The following RCOR1 variants were observed in gnomAD, a reference collection of about 807,000 sequenced individuals.
RCOR1 encodes REST corepressor 1.
A neutral mutation model predicts 64.0 loss-of-function variants in RCOR1; 12 were observed. That is an observed-to-expected ratio of 0.19 (90% CI 0.12 to 0.30). RCOR1 has a LOEUF of 0.30. RCOR1 is among the 10% of genes least tolerant of loss of function. The probability of loss-of-function intolerance (pLI) is 1.00; values close to 1 mark genes in which losing one functional copy is unlikely to be tolerated. For synonymous variants in RCOR1, 279 were observed against 227.2 expected (o/e 1.23, Z -2.05); for missense variants, 502 against 621.2 (o/e 0.81, Z 2.04).
chr14:102,637,243 C>G (rs945426737), intron 2 of RCOR1, among the ~76,000 whole-genome samples: 1 of 151,290 alleles, frequency 6.6e-6, no homozygotes, highest in African/African-American at 2.4e-5. Flanking sequence ...TCTCCTGCCT[C>G]AGCCTCCCGA....
chr14:102,662,421 C>T, intron 2 of RCOR1: 1 of 559,508 alleles, frequency 1.8e-6, no homozygotes, highest in Non-Finnish European at 3.5e-6. Flanking sequence ...ACAATGAACA[C>T]AAGTGTCTTG....
intron 2 of RCOR1, among the ~76,000 whole-genome samples, chr14:102,671,983 A>G (rs184484359): frequency 1.3e-5 from 2 of 152,188 alleles, no homozygotes; most frequent in East Asian, 1.9e-4. Flanking sequence ...TAGTGTTTCA[A>G]GTTTCATACT....
intron 3 of RCOR1, among the ~76,000 whole-genome samples, chr14:102,690,878 G>A (rs1487338348): frequency 6.6e-6 from 1 of 152,194 alleles, no homozygotes; most frequent in East Asian, 1.9e-4. Context: ...CTTGGCATGT[G>A]GTGGGTGTAT....
intron 2 of RCOR1, among the ~76,000 whole-genome samples, chr14:102,648,600 C>G (rs1267933619): frequency 6.6e-6 from 1 of 152,146 alleles, no homozygotes; most frequent in Non-Finnish European, 1.5e-5. Flanking sequence ...ACAAGTAGAT[C>G]TATGTGTATT....
intron 2 of RCOR1, among the ~76,000 whole-genome samples, chr14:102,676,735 C>G (rs1895171500): frequency 9.5e-6 from 1 of 105,550 alleles, no homozygotes; most frequent in Non-Finnish European, 2.0e-5. Flanking sequence ...GGGGGCTGAC[C>G]CCCCCCACCT....
At chr14:102,617,561 C>T (rs1351387815) in intron 2 of RCOR1, among the ~76,000 whole-genome samples, 1 of 150,002 alleles carries the variant, frequency 6.7e-6, no homozygotes, top group African/African-American at 2.5e-5. Flanking sequence ...GCACTCCAGC[C>T]GGGGCAACGA....
At chr14:102,639,497 TTTTATTTATTTATTTA>T (rs3069233) in intron 2 of RCOR1, among the ~76,000 whole-genome samples, 1,857 of 135,382 alleles carry the variant, frequency 0.014, 33 homozygotes, top group African/African-American at 0.044. Context: ...ATTTTTTAAT[TTTTATTTATTTATTTA>T]TTTATTTATT....
chr14:102,652,478 A>T (rs1248545841), intron 2 of RCOR1, among the ~76,000 whole-genome samples: 1 of 145,332 alleles, frequency 6.9e-6, no homozygotes. Flanking sequence ...TGTGTCCTCA[A>T]ACGCCCTGTT....
Position 102,722,327 on chromosome 14 carries a change from C to T in RCOR1, c.1330C>T (p.His444Tyr), listed in dbSNP as rs1181348012. 2.5e-6 allele frequency: 4 copies of T among 1,614,102 alleles called. No homozygotes were observed. The highest frequency in any genetic ancestry group is 3.4e-6 in the Non-Finnish European group (4 of 1,180,014). Residue 444 changes from histidine to tyrosine, a missense_variant, in exon 11 of 12, where the codon CAT (histidine) becomes TAT (tyrosine). By Grantham distance (83) the His-to-Tyr change is moderately conservative (BLOSUM62 2). This residue lies in a region of RCOR1 where 260 missense variants were observed against 416.4 expected (regional missense o/e 0.62). Transcript: ENST00000262241. ...AGTTTTACAAGAATGGGAGGCAGAACATGGTAAAGAAGAGACCAATGGGCC... is the reference window on the plus strand; with the variant it reads ...AGTTTTACAAGAATGGGAGGCAGAATATGGTAAAGAAGAGACCAATGGGCC... ...DEVLQEWEAEHGKEETNGPSN... is the reference protein window; with the variant it reads ...DEVLQEWEAEYGKEETNGPSN...
chr14:102,615,162 C>A (rs1211744302), intron 2 of RCOR1, among the ~76,000 whole-genome samples: 1 of 108,372 alleles, frequency 9.2e-6, no homozygotes, highest in Non-Finnish European at 1.7e-5. Flanking sequence ...GAGACAGAGT[C>A]TTATTCTCAC....
rs1375296114 is a variant in RCOR1, at chr14:102,592,974, G to T, written c.88G>T (p.Ala30Ser). ...NAAASASAAA[A>S]SAAASAACAS... is the part of the protein sequence containing the mutation. ...GGCCGCCTCCGCCTCCGCCGCCGCC[G>T]CCTCCGCCGCCGCCTCGGCCGCCTG... Residue 30 changes from alanine (A) to serine (S), a missense_variant, in exon 1 of 12, where the codon GCC (alanine) becomes TCC (serine). Physicochemically the swap from Ala to Ser is moderately conservative, Grantham distance 99 (BLOSUM62 1). This residue lies in a region of RCOR1 where 242 missense variants were observed against 204.9 expected (regional missense o/e 1.18). Coordinates refer to ENST00000262241, the MANE Select transcript of RCOR1 (RefSeq NM_015156.4). 1 of 1,154,878 alleles carries T rather than the reference G, an allele frequency of 8.7e-7. No homozygotes were observed. The highest frequency in any genetic ancestry group is 1.1e-6 in the Non-Finnish European group (1 of 937,542). 71.5% of individuals were successfully genotyped at this position (1,154,878 alleles called of 1,614,324 possible).
At chr14:102,599,839 G>C (rs1893349357) in intron 2 of RCOR1, among the ~76,000 whole-genome samples, 1 of 140,310 alleles carries the variant, frequency 7.1e-6, no homozygotes, top group South Asian at 2.2e-4. Context: ...GTCTTGCTCT[G>C]TCACACAGGC....
At chr14:102,722,945 G>T (rs1178626899) in intron 11 of RCOR1, among the ~76,000 whole-genome samples, 1 of 152,198 alleles carries the variant, frequency 6.6e-6, no homozygotes, top group African/African-American at 2.4e-5. Context: ...TCTGTGGCTG[G>T]CTGGAACTTC....
intron 2 of RCOR1, chr14:102,630,123 T>A: frequency 2.7e-6 from 1 of 367,466 alleles, no homozygotes; most frequent in Non-Finnish European, 3.8e-6. Context: ...ATGGAAGGTG[T>A]TTGTGCCATG....
At chr14:102,625,619 C>T (rs1893965684) in intron 2 of RCOR1, among the ~76,000 whole-genome samples, 2 of 151,814 alleles carry the variant, frequency 1.3e-5, no homozygotes, top group African/African-American at 4.8e-5. Context: ...ATCCTCTTGC[C>T]TCAGCCCCTC....
rs538340179 is a variant in RCOR1 at position 102,715,571 on chromosome 14, C to T, written c.1053+954C>T. Among the ~76,000 whole-genome samples, 22 of 151,540 alleles carry T rather than the reference C, an allele frequency of 1.5e-4. No homozygotes were observed. In the South Asian group the frequency reaches 3.1e-3, roughly 22 times the overall value. ...TAATTTTTTGTGTTTTTGGTAGAGA[C>T]GGGGTTTTGCCATATTCCCCAGGCT... On this transcript the variant is annotated intron_variant, in intron 8 of 11. Coordinates refer to ENST00000262241, the MANE Select transcript of RCOR1 (RefSeq NM_015156.4).
intron 2 of RCOR1, among the ~76,000 whole-genome samples, chr14:102,641,594 T>C (rs1414771766): frequency 6.6e-6 from 1 of 152,138 alleles, no homozygotes; most frequent in Non-Finnish European, 1.5e-5. Flanking sequence ...AGTGAGACCC[T>C]GTCTCAATTA....
chr14:102,592,661 G>T lies in RCOR1; in HGVS notation c.-226G>T. On this transcript the variant is annotated 5_prime_UTR_variant, in exon 1 of 12. Transcript: ENST00000262241. ...TCCCGGAGTAGTTGGTGCCAGTGAA[G>T]TGAGGGCGGCGATGAGAGCGAAAGT... 8.2e-7 allele frequency: 1 copy of T among 1,226,344 alleles called. No homozygotes were observed. 76.0% of individuals were successfully genotyped at this position (1,226,344 alleles called of 1,614,324 possible). A position where few individuals can be genotyped will look rare whatever the true frequency, so the allele number is the denominator to read the frequency against.
chr14:102,593,466 G>A (rs1893177365), intron 2 of RCOR1, 141 bp downstream of exon 2: 3 of 902,688 alleles, frequency 3.3e-6, no homozygotes, highest in African/African-American at 3.6e-5. Flanking sequence ...AGCAGGGCGA[G>A]GACGAGGAGG....
Sources: gnomAD v4.1 joint callset for allele counts (sites outside exome capture counted in the v4.1 genomes callset) on GRCh38, gnomAD v4.1.1 for gene constraint, gnomAD v4.1.1 regional missense constraint, MANE v1.5 for transcripts, NCBI Gene and HGNC (gene_info 2026-07-23, HGNC 2026-07-21) for gene names.